The following CDH13 variants were observed in gnomAD, a reference collection of about 807,000 sequenced individuals.
CDH13 encodes cadherin-13.
Under a neutral mutation model 63.8 loss-of-function variants are expected in CDH13, and 24 were observed. The observed-to-expected ratio is 0.38, with a 90% CI of 0.27 to 0.53. The LOEUF (loss-of-function observed/expected upper bound fraction) is 0.53. Among genes scored for constraint, CDH13 ranks in the 20% least tolerant of loss-of-function variants. CDH13 has a pLI of 0.85. For synonymous variants in CDH13, 503 were observed against 355.3 expected (o/e 1.42, Z -4.67); for missense variants, 1,049 against 903.1 (o/e 1.16, Z -2.07).
intron 3 of CDH13, among the ~76,000 whole-genome samples, chr16:83,088,735 A>G (rs2033739879): frequency 6.6e-6 from 1 of 152,210 alleles, no homozygotes; most frequent in Admixed American, 6.5e-5. Context: ...ATATTTTAAC[A>G]TTTTGTAGAG....
At chr16:83,321,942 A>G (rs752265588) in intron 5 of CDH13, among the ~76,000 whole-genome samples, 16 of 152,204 alleles carry the variant, frequency 1.1e-4, no homozygotes, top group Non-Finnish European at 2.1e-4. Flanking sequence ...TCCATGGAGC[A>G]CTGGTAGGTG....
At chr16:83,618,431 AAAAG>A (rs1909493603) in intron 8 of CDH13, among the ~76,000 whole-genome samples, 1 of 151,954 alleles carries the variant, frequency 6.6e-6, no homozygotes, top group Admixed American at 6.6e-5. Context: ...AAAAAAAAAA[AAAAG>A]AAAAAGAAAA....
Position 83,778,659 on chromosome 16 carries a change from A to T in CDH13, c.1682-1309A>T, listed in dbSNP as rs531005571. Among the ~76,000 whole-genome samples, 18 of 152,344 alleles carry T rather than the reference A, an allele frequency of 1.2e-4. No individual in the cohort carries two copies. In the South Asian group the frequency reaches 1.7e-3, roughly 14 times the overall value. On this transcript the variant is annotated intron_variant, in intron 11 of 13. Coordinates refer to ENST00000567109, the MANE Select transcript of CDH13 (RefSeq NM_001257.5). ...TCAGGAAAAAAACAAGGCTTTAAAA[A>T]TAAGGTCCAAAGATTATATGATGAT...
intron 7 of CDH13, among the ~76,000 whole-genome samples, chr16:83,525,100 C>T (rs577158552): frequency 6.6e-6 from 1 of 152,164 alleles, no homozygotes; most frequent in African/African-American, 2.4e-5. Flanking sequence ...TAATGAAAAC[C>T]TCTCTCTCCC....
chr16:83,354,583 A>C (rs2091017740), intron 6 of CDH13, among the ~76,000 whole-genome samples: 1 of 152,226 alleles, frequency 6.6e-6, no homozygotes. Flanking sequence ...TGTTTTATTG[A>C]CATAAGGTCA....
chr16:82,904,824 C>A (rs143295392), intron 2 of CDH13, among the ~76,000 whole-genome samples: 4 of 152,118 alleles, frequency 2.6e-5, no homozygotes, highest in Non-Finnish European at 5.9e-5. Flanking sequence ...TGTGGGCCAC[C>A]GTTTCCCATG....
At chr16:82,692,385 T>G (rs1381154050) in intron 1 of CDH13, among the ~76,000 whole-genome samples, 1 of 152,214 alleles carries the variant, frequency 6.6e-6, no homozygotes, top group East Asian at 1.9e-4. Flanking sequence ...TAGCGGAGGC[T>G]TCACAATCAT....
intron 1 of CDH13, among the ~76,000 whole-genome samples, chr16:82,627,876 G>C (rs1907534826): frequency 6.6e-6 from 1 of 152,240 alleles, no homozygotes; most frequent in Non-Finnish European, 1.5e-5. Flanking sequence ...GCCAGATCCC[G>C]GGCTGCCGCC....
chr16:83,320,352 G>A (rs1304080746), intron 5 of CDH13, among the ~76,000 whole-genome samples: 1 of 151,994 alleles, frequency 6.6e-6, no homozygotes, highest in East Asian at 1.9e-4. Flanking sequence ...AGCATGGATT[G>A]TCCTTTTCAG....
chr16:83,763,945 G>A lies in CDH13; in HGVS notation c.1681+15695G>A, dbSNP rs148733432. 1.7e-4 allele frequency among the ~76,000 whole-genome samples: 26 copies of A among 152,164 alleles called. 1 individual carries two copies. In the East Asian group the frequency reaches 3.5e-3, roughly 20 times the overall value. On this transcript the variant is annotated intron_variant, in intron 11 of 13. Transcript: ENST00000567109. ...TACACCTCAGGATGAGTTCAGCTCC[G>A]CATCTTAGCTGTGCAATGATAGCCG...
chr16:83,198,191 C>A (rs567189607), intron 4 of CDH13, among the ~76,000 whole-genome samples: 1 of 152,072 alleles, frequency 6.6e-6, no homozygotes, highest in South Asian at 2.1e-4. Flanking sequence ...AAAAGCAAAC[C>A]TGGTTTTAAA....
intron 2 of CDH13, among the ~76,000 whole-genome samples, chr16:82,962,337 T>G (rs2151345515): frequency 6.6e-6 from 1 of 152,328 alleles, no homozygotes; most frequent in South Asian, 2.1e-4. Context: ...GATCCTTTTT[T>G]AGAGACTTCC....
intron 5 of CDH13, among the ~76,000 whole-genome samples, chr16:83,293,828 G>A (rs1012648334): frequency 5.3e-5 from 8 of 152,128 alleles, no homozygotes; most frequent in African/African-American, 1.9e-4. Flanking sequence ...AACAGAGTGG[G>A]AGCTAACAAT....
intron 2 of CDH13, among the ~76,000 whole-genome samples, chr16:82,990,579 C>T (rs1417230243): frequency 7.0e-6 from 1 of 143,574 alleles, no homozygotes; most frequent in East Asian, 2.1e-4. Context: ...CAGAGTCTCA[C>T]TTTATCATCC....
At chr16:83,634,479 C>T (rs1050662101) in intron 8 of CDH13, among the ~76,000 whole-genome samples, 1 of 151,376 alleles carries the variant, frequency 6.6e-6, no homozygotes, top group African/African-American at 2.4e-5. Context: ...CGGCTCATTG[C>T]GACCTCCGCC....
intron 6 of CDH13, among the ~76,000 whole-genome samples, chr16:83,392,047 A>C (rs1395175786): frequency 6.6e-6 from 1 of 152,054 alleles, no homozygotes; most frequent in African/African-American, 2.4e-5. Flanking sequence ...CCTCCCACTA[A>C]ATGCCAGTAA....
chr16:83,289,314 G>C (rs1273109248), intron 5 of CDH13, among the ~76,000 whole-genome samples: 1 of 152,096 alleles, frequency 6.6e-6, no homozygotes, highest in Non-Finnish European at 1.5e-5. Flanking sequence ...ATGTATTTTT[G>C]GTATCTGGTG....
At chr16:83,713,391 C>G (rs1908362167) in intron 10 of CDH13, among the ~76,000 whole-genome samples, 1 of 152,010 alleles carries the variant, frequency 6.6e-6, no homozygotes, top group African/African-American at 2.4e-5. Flanking sequence ...CAAAGCCACA[C>G]TGGTTTGTAA....
chr16:83,611,714 A>T (rs1908879094), intron 8 of CDH13, among the ~76,000 whole-genome samples: 1 of 151,964 alleles, frequency 6.6e-6, no homozygotes, highest in South Asian at 2.1e-4. Context: ...ATGTGCTATG[A>T]TGTATTTTCA....
Sources: allele counts gnomAD v4.1 joint callset (sites outside exome capture counted in the v4.1 genomes callset), GRCh38; gene constraint gnomAD v4.1.1; transcripts MANE v1.5; gene names NCBI Gene and HGNC (gene_info 2026-07-23, HGNC 2026-07-21).